Variants in ZNF91 observed in about 807,000 individuals in gnomAD.
ZNF91 encodes zinc finger protein 91 (HPF7, HTF10).
In ZNF91, 7 loss-of-function variants were observed where a neutral mutation model predicts 12.6. That is an observed-to-expected ratio of 0.55 (90% CI 0.31 to 1.04). The LOEUF (loss-of-function observed/expected upper bound fraction) is 1.04. Among genes scored for constraint, ZNF91 ranks in the 50% least tolerant of loss-of-function variants. The pLI, the probability that ZNF91 is intolerant of heterozygous loss-of-function variation, is 0.05. For synonymous variants in ZNF91, 453 were observed against 462.6 expected, an observed-to-expected ratio of 0.98 and a Z score of 0.27; for missense variants, 1,217 against 1,385.4, an observed-to-expected ratio of 0.88 and a Z score of 1.93.
intron 3 of ZNF91, chr19:23,339,387 A>G (rs1568373099): frequency 6.6e-6 from 1 of 152,204 alleles, no homozygotes; most frequent in African/African-American, 2.4e-5. Flanking sequence ...AAATATTATT[A>G]AATCTATAGA....
At chr19:23,351,331 GAA>G (rs200744779) in intron 3 of ZNF91, among the ~76,000 whole-genome samples, 3 of 93,360 alleles carry the variant, frequency 3.2e-5, no homozygotes, top group African/African-American at 3.7e-5. Context: ...CACAGAAAAA[GAA>G]AAAAAAAAAA....
In ZNF91 at chr19:23,323,024, CTCG is replaced by C. The variant is rs1967742428; in HGVS notation, n.117-13930_117-13928del. ...TCCTCCTCCTTTTCCTCTTTTTCTC[CTCG>C]TCCTTTCTCCTTTTTGTTTCCTCCT... On this transcript the variant is annotated intron_variant and non_coding_transcript_variant, in intron 1 of 1. Transcript: ENST00000596528. Among the ~76,000 whole-genome samples, 6 of 140,502 alleles carry C rather than the reference CTCG, an allele frequency of 4.3e-5. No individual in the cohort carries two copies. The South Asian group carries it at 1.4e-3, about 32-fold the overall frequency. 92.2% of individuals were successfully genotyped at this position (140,502 alleles called of 152,430 possible). A position where few individuals can be genotyped will look rare whatever the true frequency, so the allele number is the denominator to read the frequency against.
chr19:23,372,888 C>T (rs1391316023), intron 3 of ZNF91, among the ~76,000 whole-genome samples: 1 of 152,202 alleles, frequency 6.6e-6, no homozygotes, highest in East Asian at 1.9e-4. Context: ...TCATATAAAG[C>T]CCACCATATG....
At chr19:23,390,644 C>T (rs950709582) in intron 1 of ZNF91, among the ~76,000 whole-genome samples, 22 of 152,240 alleles carry the variant, frequency 1.4e-4, no homozygotes, top group African/African-American at 5.3e-4. Flanking sequence ...AGGCATGAGC[C>T]ATCGTGGTGG....
At chr19:23,327,636 T>A (rs1967861726) in intron 1 of ZNF91, 2 of 152,220 alleles carry the variant, frequency 1.3e-5, no homozygotes, top group Non-Finnish European at 2.9e-5. Context: ...GACATAAGAT[T>A]CTAACTTAGT....
rs949176461 is a variant in ZNF91 at position 23,359,323 on chromosome 19, C to A, written c.*80G>T. 1.1e-5 allele frequency: 6 copies of A among 563,320 alleles called. No homozygotes were observed. The Admixed American group carries it at 1.8e-4, about 17-fold the overall frequency. 34.9% of individuals were successfully genotyped at this position (563,320 alleles called of 1,614,324 possible). A position where few individuals can be genotyped will look rare whatever the true frequency, so the allele number is the denominator to read the frequency against. Reference sequence around the variant, plus strand: ...CTGCAAGCTCCGCCTCCCGGGTTCACGCCATTCTCCTGCCTCAGCCTCTCG... The same window carrying A: ...CTGCAAGCTCCGCCTCCCGGGTTCAAGCCATTCTCCTGCCTCAGCCTCTCG... On this transcript the variant is annotated 3_prime_UTR_variant, in exon 4 of 4. Transcript: ENST00000300619.
At chr19:23,376,515 G>A (rs912910587) in intron 1 of ZNF91, among the ~76,000 whole-genome samples, 2 of 151,806 alleles carry the variant, frequency 1.3e-5, no homozygotes, top group Admixed American at 1.3e-4. Flanking sequence ...TCAGCCTGCC[G>A]AGTAGCTGTG....
chr19:23,353,917 A>G (rs1404691547), downstream of ZNF91, among the ~76,000 whole-genome samples: 1 of 152,222 alleles, frequency 6.6e-6, no homozygotes, highest in East Asian at 1.9e-4. Flanking sequence ...TACCCTGAAC[A>G]GACCAAAAAC....
intron 3 of ZNF91, among the ~76,000 whole-genome samples, chr19:23,347,988 A>G (rs752882136): frequency 2.0e-5 from 3 of 152,266 alleles, no homozygotes; most frequent in South Asian, 4.1e-4. Context: ...ATAATTCCCA[A>G]TTTTGGACTG....
chr19:23,362,298 A>G lies in ZNF91; in HGVS notation c.681T>C (p.Asn227=). The G allele has an allele frequency of 6.2e-7, 1 of 1,613,904 alleles. No homozygotes were observed. The change falls in exon 4 of 4, where the codon AAT becomes AAC. Residue 227 remains asparagine (N), a synonymous_variant. Coordinates refer to ENST00000300619, the MANE Select transcript of ZNF91 (RefSeq NM_003430.4). ...KTFHWSSTLT[N]HKEIHTEDKP... ...TATCTTCAGTATGAATTTCCTTATGATTAGTAAGGGTTGAGGACCAATGAA... is the reference window on the plus strand; with the variant it reads ...TATCTTCAGTATGAATTTCCTTATGGTTAGTAAGGGTTGAGGACCAATGAA...
chr19:23,384,905 T>C (rs192151062), intron 1 of ZNF91: 2 of 771,460 alleles, frequency 2.6e-6, no homozygotes, highest in African/African-American at 1.7e-5. Flanking sequence ...TTGTCACCGG[T>C]GAACTTTAAT....
chr19:23,383,407 G>A (rs1415678893), intron 1 of ZNF91, among the ~76,000 whole-genome samples: 1 of 152,200 alleles, frequency 6.6e-6, no homozygotes, highest in East Asian at 1.9e-4. Flanking sequence ...CCTGGAAGCG[G>A]ATGGGTACAG....
chr19:23,315,810 C>CTAGG (rs1403226907), intron 1 of ZNF91, among the ~76,000 whole-genome samples: 3 of 152,154 alleles, frequency 2.0e-5, no homozygotes, highest in African/African-American at 7.2e-5. Context: ...ACACTTCTGT[C>CTAGG]TAGGCCTTTC....
At position 23,358,053 on chromosome 19, in the gene ZNF91, A is replaced by G. The variant is rs926751700; in HGVS notation, c.*1350T>C. The G allele has an allele frequency of 1.3e-5, 2 of 152,178 alleles. No homozygotes were observed. The highest frequency in any genetic ancestry group is 6.5e-5 in the Admixed American group (1 of 15,282). The allele number at this position is 152,178 out of a possible 1,614,324, so 9.4% of individuals were successfully genotyped here. ...AAACTCACTGGCAAAAAAAATCACT[A>G]GAGATGTCAGTCCATTATCTTACCA... On this transcript the variant is annotated 3_prime_UTR_variant, in exon 4 of 4. Coordinates refer to ENST00000300619, the MANE Select transcript of ZNF91 (RefSeq NM_003430.4).
At chr19:23,330,393 G>C (rs1205937892) in intron 1 of ZNF91, among the ~76,000 whole-genome samples, 1 of 152,114 alleles carries the variant, frequency 6.6e-6, no homozygotes, top group Non-Finnish European at 1.5e-5. Context: ...GTCTTATTGG[G>C]ATGCTCATTT....
chr19:23,305,688 A>C (rs1967388185), intron 3 of ZNF91, among the ~76,000 whole-genome samples: 1 of 152,226 alleles, frequency 6.6e-6, no homozygotes, highest in Admixed American at 6.5e-5. Flanking sequence ...TTTCAATGTC[A>C]GTTAGCTCAG....
intron 1 of ZNF91, among the ~76,000 whole-genome samples, chr19:23,382,010 G>A (rs1969734655): frequency 8.6e-6 from 1 of 116,072 alleles, no homozygotes; most frequent in Admixed American, 9.8e-5. Flanking sequence ...CAAAAACGAA[G>A]CAATTAATCT....
At chr19:23,385,378 TG>T (rs1969840060) in intron 1 of ZNF91, 1 of 339,472 alleles carries the variant, frequency 2.9e-6, no homozygotes, top group Admixed American at 4.6e-5. Flanking sequence ...CTTCTGAAGC[TG>T]TATTTGCAGT....
intron 3 of ZNF91, among the ~76,000 whole-genome samples, chr19:23,347,607 C>T (rs763378437): frequency 6.6e-6 from 1 of 152,176 alleles, no homozygotes; most frequent in Admixed American, 6.5e-5. Context: ...CCTTCTTCCT[C>T]ACTCTCAAAC....
Sources: allele counts gnomAD v4.1 joint callset (sites outside exome capture counted in the v4.1 genomes callset), GRCh38; gene constraint gnomAD v4.1.1; transcripts MANE v1.5; gene names NCBI Gene and HGNC (gene_info 2026-07-23, HGNC 2026-07-21).